Variants in SLC6A11 observed in about 807,000 individuals in gnomAD.
SLC6A11 encodes solute carrier family 6 member 11.
A neutral mutation model predicts 74.8 loss-of-function variants in SLC6A11; 25 were observed. The ratio of observed to expected loss-of-function variants is 0.33; its 90% CI spans 0.24 to 0.47. The LOEUF (loss-of-function observed/expected upper bound fraction) is 0.47, where lower values mean the gene tolerates loss of function less well. Among genes scored for constraint, SLC6A11 ranks in the 20% least tolerant of loss-of-function variants. The pLI, the probability that SLC6A11 is intolerant of heterozygous loss-of-function variation, is 1.00. For synonymous variants in SLC6A11, 330 were observed against 330.2 expected (o/e 1.00, Z 0.01); for missense variants, 574 against 837.0 (o/e 0.69, Z 3.88).
chr3:10,827,601 G>C (rs1408240719), intron 4 of SLC6A11, among the ~76,000 whole-genome samples: 1 of 152,200 alleles, frequency 6.6e-6, no homozygotes, highest in Non-Finnish European at 1.5e-5. Flanking sequence ...CTCAGTCAAA[G>C]TAGACTGCCT....
chr3:10,839,542 T>G (rs776826804), intron 4 of SLC6A11, among the ~76,000 whole-genome samples: 4 of 152,196 alleles, frequency 2.6e-5, no homozygotes, highest in Non-Finnish European at 5.9e-5. Flanking sequence ...TCCCTGCTTC[T>G]CCAAGGGCTA....
At chr3:10,853,363 C>A (rs1482909068) in intron 5 of SLC6A11, among the ~76,000 whole-genome samples, 1 of 152,194 alleles carries the variant, frequency 6.6e-6, no homozygotes, top group African/African-American at 2.4e-5. Context: ...TGCAGGGGCA[C>A]CCCCGCTTGC....
rs1694566530 is a variant in SLC6A11 at position 10,850,890 on chromosome 3, G to T, written c.756+6544G>T. On this transcript the variant is annotated intron_variant, in intron 5 of 13. Coordinates refer to ENST00000254488, the MANE Select transcript of SLC6A11 (RefSeq NM_014229.3). ...GCCCTGTTAGCATAGGACCAGGGAG[G>T]AGGTGGCAGGAGAATGGAGAGAGCT... Among the ~76,000 whole-genome samples, 3 of 152,176 alleles carry T rather than the reference G, an allele frequency of 2.0e-5. 1 individual carries two copies. In the South Asian group the frequency reaches 6.2e-4, roughly 32 times the overall value.
rs140721847 is a variant in SLC6A11 at position 10,918,757 on chromosome 3, T to C, written c.1120+304T>C. On this transcript the variant is annotated intron_variant, in intron 8 of 13. Transcript: ENST00000254488. The surrounding 1 kb of genome is among the most constrained non-coding windows in gnomAD (Gnocchi z 4.5). The stretch of plus-strand genomic sequence containing the variant: ...GGACCACCATCACTGCTCACCTGGA[T>C]GGCTCAGAAACCTTTCCCTGGACTC... 0.011 allele frequency among the ~76,000 whole-genome samples: 1,659 copies of C among 152,208 alleles called. 37 individuals are homozygous for C. Among genetic ancestry groups the C allele is most frequent in the African/African-American group, 0.038 (1,576 of 41,538 alleles).
At chr3:10,907,164 C>G (rs138659257) in intron 6 of SLC6A11, among the ~76,000 whole-genome samples, 1 of 152,046 alleles carries the variant, frequency 6.6e-6, no homozygotes, top group African/African-American at 2.4e-5. Context: ...AGGCAAATAG[C>G]ATACATGAAA....
At chr3:10,844,141 T>C in intron 4 of SLC6A11, 73 bp from the exon 5 acceptor site, 2 of 1,580,756 alleles carry the variant, frequency 1.3e-6, no homozygotes, top group Non-Finnish European at 1.7e-6. Flanking sequence ...CCATCCCTGC[T>C]CCTCTGCAGT....
chr3:10,877,593 C>T (rs1210901464), intron 6 of SLC6A11, among the ~76,000 whole-genome samples: 8 of 152,208 alleles, frequency 5.3e-5, no homozygotes, highest in Non-Finnish European at 1.2e-4. Flanking sequence ...CTTCCAGACT[C>T]TCAGAGGAAA....
chr3:10,848,124 A>G (rs957342208), intron 5 of SLC6A11, among the ~76,000 whole-genome samples: 3 of 152,214 alleles, frequency 2.0e-5, no homozygotes, highest in South Asian at 2.1e-4. Context: ...CCTATCTCCA[A>G]GGAATATTAA....
At chr3:10,871,681 C>G (rs1035738277) in intron 5 of SLC6A11, among the ~76,000 whole-genome samples, 2 of 152,092 alleles carry the variant, frequency 1.3e-5, no homozygotes, top group South Asian at 4.1e-4. Context: ...AACCATCAAG[C>G]CTTATTGATT....
intron 6 of SLC6A11, among the ~76,000 whole-genome samples, chr3:10,881,842 C>G (rs1274049266): frequency 6.6e-6 from 1 of 152,172 alleles, no homozygotes; most frequent in African/African-American, 2.4e-5. Context: ...TCCAGGATCT[C>G]CATTAATTCC....
intron 8 of SLC6A11, among the ~76,000 whole-genome samples, chr3:10,920,803 G>T (rs570207933): frequency 3.0e-4 from 46 of 152,316 alleles, no homozygotes; most frequent in African/African-American, 9.9e-4. Context: ...GCCTGGATCC[G>T]GTCTCTTCTG....
chr3:10,923,261 A>G (rs1360010859), intron 8 of SLC6A11, among the ~76,000 whole-genome samples: 1 of 151,742 alleles, frequency 6.6e-6, no homozygotes, highest in Admixed American at 6.6e-5. Context: ...AAAAAAAAAA[A>G]AAACACAGGG....
At chr3:10,853,140 G>C (rs545944701) in intron 5 of SLC6A11, among the ~76,000 whole-genome samples, 1 of 152,196 alleles carries the variant, frequency 6.6e-6, no homozygotes, top group Non-Finnish European at 1.5e-5. Flanking sequence ...TGGGATGATT[G>C]AGTCGGGTGA....
chr3:10,880,102 T>G (rs1054621821), intron 6 of SLC6A11, among the ~76,000 whole-genome samples: 3 of 152,112 alleles, frequency 2.0e-5, no homozygotes, highest in African/African-American at 7.2e-5. Context: ...TAAGCTAGTC[T>G]TAGGACTTCC....
At chr3:10,836,679 G>A (rs868396490) in intron 4 of SLC6A11, among the ~76,000 whole-genome samples, 17 of 152,276 alleles carry the variant, frequency 1.1e-4, no homozygotes, top group Admixed American at 5.2e-4. Context: ...AGACCCTTTC[G>A]TATTCTACTA....
rs1024060710 is a variant in SLC6A11, at chr3:10,816,659, C to A, written c.256+138C>A. The A allele has an allele frequency of 1.1e-6, 1 of 906,162 alleles. No homozygotes were observed. The highest frequency in any genetic ancestry group is 1.6e-6 in the Non-Finnish European group (1 of 634,204). The allele number at this position is 906,162 out of a possible 1,614,324, so 56.1% of individuals were successfully genotyped here. A position where few individuals can be genotyped will look rare whatever the true frequency, so the allele number is the denominator to read the frequency against. On this transcript the variant is annotated intron_variant, in intron 1 of 13. Coordinates refer to ENST00000254488, the MANE Select transcript of SLC6A11 (RefSeq NM_014229.3). The surrounding 1 kb of genome is among the most constrained non-coding windows in gnomAD (Gnocchi z 4.2). ...GAGAACCTCGACTCCAGGCACCTCG[C>A]GTGTGAGCTCGCCCCGGAGCGCGGC...
chr3:10,872,221 A>G (rs1694835960), intron 5 of SLC6A11, among the ~76,000 whole-genome samples: 1 of 152,166 alleles, frequency 6.6e-6, no homozygotes, highest in African/African-American at 2.4e-5. Flanking sequence ...TCACTGGGCA[A>G]TCCTGGGCAA....
chr3:10,864,820 A>G (rs960556380), intron 5 of SLC6A11, among the ~76,000 whole-genome samples: 1 of 152,030 alleles, frequency 6.6e-6, no homozygotes, highest in South Asian at 2.1e-4. Context: ...AGCTCCTCCA[A>G]ACAGCTGTGT....
At chr3:10,885,499 T>C (rs149794418) in intron 6 of SLC6A11, among the ~76,000 whole-genome samples, 2 of 152,152 alleles carry the variant, frequency 1.3e-5, no homozygotes, top group African/African-American at 2.4e-5. Flanking sequence ...TCTAGAAACA[T>C]TTTTTGATGG....
Sources: gnomAD v4.1 joint callset for allele counts (sites outside exome capture counted in the v4.1 genomes callset) on GRCh38, gnomAD v4.1.1 for gene constraint, Gnocchi (gnomAD v3.1) non-coding constraint, MANE v1.5 for transcripts, NCBI Gene and HGNC (gene_info 2026-07-23, HGNC 2026-07-21) for gene names.